RAB3IP: variants seen among roughly 807,000 people sequenced by gnomAD.
The protein encoded by RAB3IP is rab-3A-interacting protein.
In RAB3IP, 36 loss-of-function variants were observed where a neutral mutation model predicts 59.1. The ratio of observed to expected loss-of-function variants is 0.61; its 90% confidence interval spans 0.47 to 0.80. RAB3IP has a LOEUF of 0.80. Among genes scored for constraint, RAB3IP ranks in the 30% least tolerant of loss-of-function variants. RAB3IP has a pLI of 0.00. For missense variants in RAB3IP, 511 were observed against 536.0 expected (o/e 0.95, Z 0.46); for synonymous variants, 207 against 191.2 (o/e 1.08, Z -0.68).
chr12:69,812,633 C>T (rs1164796064), intron 8 of RAB3IP, 145 bp from the exon 9 acceptor site: 1 of 620,094 alleles, frequency 1.6e-6, no homozygotes, highest in Non-Finnish European at 2.9e-6. Context: ...CTTTTCATCA[C>T]TTTAGCCCAG....
chr12:69,780,434 G>C (rs1592537321), intron 3 of RAB3IP, among the ~76,000 whole-genome samples: 1 of 152,192 alleles, frequency 6.6e-6, no homozygotes, highest in African/African-American at 2.4e-5. Context: ...CTGTGGGACA[G>C]AGGCTGGCAA....
rs1461791530 is a variant in RAB3IP at position 69,801,515 on chromosome 12, G to T, written c.1018-94G>T. 11 of 623,664 alleles carry T rather than the reference G, an allele frequency of 1.8e-5. No individual in the cohort carries two copies. In the East Asian group the frequency reaches 3.5e-4, roughly 20 times the overall value. The allele number at this position is 623,664 out of a possible 1,614,324, so 38.6% of individuals were successfully genotyped here. ...CTAAAGCCAAGCTAGTGGAACTTTG[G>T]AGAAGAATAATTTATAAAATTCGTT... On this transcript the variant is annotated intron_variant, in intron 7 of 10. Transcript: ENST00000247833.
At chr12:69,769,489 A>G (rs1872758642) in intron 3 of RAB3IP, among the ~76,000 whole-genome samples, 1 of 152,192 alleles carries the variant, frequency 6.6e-6, no homozygotes, top group African/African-American at 2.4e-5. Context: ...GCCAGACACT[A>G]TCACGGGGGC....
chr12:69,741,829 A>C (rs1887373348), intron 1 of RAB3IP, among the ~76,000 whole-genome samples: 1 of 152,238 alleles, frequency 6.6e-6, no homozygotes, highest in Non-Finnish European at 1.5e-5. Flanking sequence ...GTTTGCTCAT[A>C]ATCACTACAT....
At chr12:69,801,106 G>A (rs1202940401) in intron 7 of RAB3IP, among the ~76,000 whole-genome samples, 2 of 152,092 alleles carry the variant, frequency 1.3e-5, no homozygotes, top group African/African-American at 2.4e-5. Flanking sequence ...GTTTCATCTG[G>A]TGTTAGTTGC....
At chr12:69,813,920 C>G (rs1880818773) in intron 10 of RAB3IP, among the ~76,000 whole-genome samples, 1 of 152,134 alleles carries the variant, frequency 6.6e-6, no homozygotes, top group African/African-American at 2.4e-5. Context: ...TTCTCAAGGT[C>G]TGGTATGTTG....
rs1877229260 is a variant in RAB3IP at position 69,795,088 on chromosome 12, CAT to C, written c.685-50_685-49del. The C allele has an allele frequency of 3.8e-6, 5 of 1,310,356 alleles. No homozygotes were observed. In the East Asian group the frequency reaches 1.2e-4, roughly 30 times the overall value. The allele number at this position is 1,310,356 out of a possible 1,614,324, so 81.2% of individuals were successfully genotyped here. On this transcript the variant is annotated intron_variant, in intron 5 of 10. Coordinates refer to ENST00000247833, the MANE Select transcript of RAB3IP (RefSeq NM_022456.5). ...TGACCAGATTGCTAATATTTAGCTG[CAT>C]ATGTCATGAAACGTATTTAATGTAT...
intron 1 of RAB3IP, among the ~76,000 whole-genome samples, chr12:69,754,866 TGA>T (rs1013763639): frequency 2.6e-5 from 4 of 152,200 alleles, no homozygotes; most frequent in Non-Finnish European, 5.9e-5. Flanking sequence ...AATAGTATAC[TGA>T]GATAATTTAT....
intron 3 of RAB3IP, among the ~76,000 whole-genome samples, chr12:69,766,011 A>G (rs1331176639): frequency 1.3e-5 from 2 of 152,248 alleles, no homozygotes; most frequent in Non-Finnish European, 2.9e-5. Flanking sequence ...TGAGAAGTCC[A>G]AAGCCTGGTA....
At chr12:69,792,675 G>A (rs948448968) in intron 4 of RAB3IP, among the ~76,000 whole-genome samples, 1 of 152,078 alleles carries the variant, frequency 6.6e-6, no homozygotes, top group Non-Finnish European at 1.5e-5. Flanking sequence ...AACTGATCCT[G>A]CCCCAGTCTA....
chr12:69,798,786 A>G (rs1413515237), intron 6 of RAB3IP, among the ~76,000 whole-genome samples: 1 of 152,094 alleles, frequency 6.6e-6, no homozygotes, highest in Non-Finnish European at 1.5e-5. Flanking sequence ...TAGGGAATAA[A>G]TTTGCATCTT....
At chr12:69,739,710 T>G (rs1887089223) in intron 1 of RAB3IP, 4 of 839,670 alleles carry the variant, frequency 4.8e-6, no homozygotes, top group Non-Finnish European at 7.9e-6. Flanking sequence ...TGAGACGAAC[T>G]GCACGGGTGG....
intron 10 of RAB3IP, 110 bp from the exon 11 acceptor site, chr12:69,815,254 A>C (rs1880999210): frequency 2.7e-6 from 2 of 738,724 alleles, no homozygotes; most frequent in African/African-American, 1.8e-5. Context: ...ATGTAGGTAC[A>C]TCTTTAGGAA....
intron 1 of RAB3IP, among the ~76,000 whole-genome samples, chr12:69,746,676 GTA>G (rs1462416594): frequency 1.3e-5 from 2 of 152,250 alleles, no homozygotes; most frequent in African/African-American, 4.8e-5. Context: ...TGAAATAAAT[GTA>G]TTTAATATGT....
chr12:69,739,732 T>C, intron 1 of RAB3IP: 2 of 1,046,096 alleles, frequency 1.9e-6, no homozygotes, highest in African/African-American at 1.6e-5. Context: ...ATTGCATGGC[T>C]CTGCCCTCCC....
chr12:69,795,520 T>C, intron 6 of RAB3IP, 176 bp downstream of exon 6: 1 of 611,428 alleles, frequency 1.6e-6, no homozygotes. Flanking sequence ...TTCCATTTTC[T>C]ACCTGGCTGA....
intron 1 of RAB3IP, among the ~76,000 whole-genome samples, chr12:69,744,857 A>C (rs991791379): frequency 2.4e-4 from 36 of 152,190 alleles, no homozygotes; most frequent in African/African-American, 8.4e-4. Context: ...TTAAAAGATA[A>C]ATGTGATTTT....
intron 10 of RAB3IP, among the ~76,000 whole-genome samples, chr12:69,814,151 C>G (rs915091603): frequency 2.0e-4 from 31 of 152,022 alleles, no homozygotes; most frequent in Non-Finnish European, 4.0e-4. Context: ...TAATTTAAGC[C>G]AGAGAACAGA....
chr12:69,802,191 T>A (rs1401843590), intron 8 of RAB3IP, among the ~76,000 whole-genome samples: 1 of 152,000 alleles, frequency 6.6e-6, no homozygotes, highest in Admixed American at 6.5e-5. Flanking sequence ...CCTGGGTTTC[T>A]GTATAAAATA....
Sources: allele counts gnomAD v4.1 joint callset (sites outside exome capture counted in the v4.1 genomes callset), GRCh38; gene constraint gnomAD v4.1.1; transcripts MANE v1.5; gene names NCBI Gene and HGNC (gene_info 2026-07-23, HGNC 2026-07-21).